The following SEC16B variants were observed in gnomAD, a reference collection of about 807,000 sequenced individuals.
SEC16B encodes protein transport protein Sec16B.
In SEC16B, 115 loss-of-function variants were observed where a neutral mutation model predicts 141.8. The observed-to-expected ratio is 0.81, with a 90% CI of 0.70 to 0.95. The LOEUF (loss-of-function observed/expected upper bound fraction) is 0.95, where lower values mean the gene tolerates loss of function less well. Among genes scored for constraint, SEC16B ranks in the 40% least tolerant of loss-of-function variants. The pLI, the probability that SEC16B is intolerant of heterozygous loss-of-function variation, is 0.00. For synonymous variants in SEC16B, 493 were observed against 492.5 expected (o/e 1.00, Z -0.01); for missense variants, 1,291 against 1,312.3 (o/e 0.98, Z 0.25).
At chr1:177,982,925 T>C (rs1654479213) in intron 1 of SEC16B, among the ~76,000 whole-genome samples, 1 of 152,192 alleles carries the variant, frequency 6.6e-6, no homozygotes, top group African/African-American at 2.4e-5. Flanking sequence ...CTGTGTGGAA[T>C]TGCTCCTTTT....
Position 177,954,334 on chromosome 1 carries a change from C to T in SEC16B, c.1408G>A (p.Ala470Thr). Residue 470 changes from alanine to threonine, a missense_variant, in exon 11 of 26, where the codon GCT becomes ACT. By Grantham distance (58) the Ala-to-Thr change is moderately conservative. Around this residue, in one of 3 missense-constraint regions of SEC16B, gnomAD observed 681 missense variants for 675.5 expected, o/e 1.01. Coordinates refer to ENST00000308284, the MANE Select transcript of SEC16B (RefSeq NM_033127.4). ...WAMKNHLWGH[A>T]LFLSSKMDPQ... ...TCCATCTTGCTGGACAGGAACAAAG[C>T]ATGGCCCCACAAGTGGTTCTTCATG... is the stretch of plus-strand genomic sequence containing the variant. 1 of 1,575,974 alleles carries T rather than the reference C, an allele frequency of 6.3e-7. No homozygotes were observed. Among genetic ancestry groups the T allele is most frequent in the Non-Finnish European group, 8.6e-7 (1 of 1,159,818 alleles).
intron 13 of SEC16B, among the ~76,000 whole-genome samples, chr1:177,947,311 T>G (rs1228580001): frequency 6.6e-6 from 1 of 152,144 alleles, no homozygotes; most frequent in Non-Finnish European, 1.5e-5. Context: ...CAAGAAAGAC[T>G]ACAGGGTTAA....
Position 177,961,606 on chromosome 1 carries a change from C to T in SEC16B, c.771G>A (p.Trp257Ter). ...AGAACCCACCAGCCTGAACTGGACT[C>T]CAAGCTGCTGAAGCTGGGGGATCAT... ...ERDDPPASAA[W>*]SPVQADVSSA... Residue 257 changes from tryptophan to a stop codon, truncating the protein, a stop_gained, in exon 6 of 26, where the codon TGG becomes TGA. Transcript: ENST00000308284. LOFTEE classifies it high-confidence loss of function. 5 of 1,613,196 alleles carry T rather than the reference C, an allele frequency of 3.1e-6. No individual in the cohort carries two copies. The highest frequency in any genetic ancestry group is 4.2e-6 in the Non-Finnish European group (5 of 1,179,672).
chr1:177,937,497 C>A lies in SEC16B; in HGVS notation c.2220G>T (p.Gln740His). The stretch of plus-strand genomic sequence containing the variant: ...AGTAGCCTTGACATCCAGAAAAGTC[C>A]TGGTAGAAAGTGTTTTCTAAGGACG... ...GGTTTENTFYQDFSGCQGYSE... is the reference protein window; with the variant it reads ...GGTTTENTFYHDFSGCQGYSE... Residue 740 changes from glutamine (Q) to histidine (H), a missense_variant, in exon 19 of 26, where the codon CAG becomes CAT. Physicochemically the swap from Gln to His is conservative, Grantham distance 24. Around this residue, in one of 3 missense-constraint regions of SEC16B, gnomAD observed 605 missense variants for 614.1 expected, o/e 0.99. Coordinates refer to ENST00000308284, the MANE Select transcript of SEC16B (RefSeq NM_033127.4). 1 of 1,555,652 alleles carries A rather than the reference C, an allele frequency of 6.4e-7. No individual in the cohort carries two copies. Among genetic ancestry groups the A allele is most frequent in the African/African-American group, 1.4e-5 (1 of 72,948 alleles).
At chr1:177,957,696 T>C (rs192523185) in intron 10 of SEC16B, among the ~76,000 whole-genome samples, 1 of 152,298 alleles carries the variant, frequency 6.6e-6, no homozygotes, top group African/African-American at 2.4e-5. Flanking sequence ...TCTTTAAATG[T>C]ACAATTAAGC....
chr1:177,945,051 C>A lies in SEC16B; in HGVS notation c.1776-385G>T, dbSNP rs188184417. ...CCATGCCCATAAAGCCTGTCATGTA[C>A]CTGTGAAGGGCACCCCTAGTTTGAG... On this transcript the variant is annotated intron_variant, in intron 14 of 25. Transcript: ENST00000308284. Among the ~76,000 whole-genome samples, 12 of 152,288 alleles carry A rather than the reference C, an allele frequency of 7.9e-5. No homozygotes were observed. In the East Asian group the frequency reaches 2.1e-3, roughly 27 times the overall value.
At chr1:177,960,566 C>T (rs1652977216) in intron 7 of SEC16B, 163 bp from the exon 8 acceptor site, 2 of 696,134 alleles carry the variant, frequency 2.9e-6, no homozygotes, top group South Asian at 1.9e-5. Context: ...AAAGATGAGA[C>T]ATTGACATCT....
Position 177,937,068 on chromosome 1 carries a change from C to G in SEC16B, c.2503+146G>C, listed in dbSNP as rs146318029. On this transcript the variant is annotated intron_variant, in intron 19 of 25. Coordinates refer to ENST00000308284, the MANE Select transcript of SEC16B (RefSeq NM_033127.4). ...ATACAGTGGCTGAAAACTAGCAGGC[C>G]CTCCGTAACGGGCACACATCCACGC... is the stretch of plus-strand genomic sequence containing the variant. The G allele has an allele frequency of 1.9e-5, 16 of 856,772 alleles. No individual in the cohort carries two copies. In the East Asian group the frequency reaches 4.0e-4, roughly 22 times the overall value. 53.1% of individuals were successfully genotyped at this position (856,772 alleles called of 1,614,324 possible).
intron 9 of SEC16B, 84 bp downstream of exon 9, chr1:177,958,756 A>C: frequency 6.8e-7 from 1 of 1,477,678 alleles, no homozygotes; most frequent in South Asian, 1.4e-5. Context: ...GCTTTTCATA[A>C]TCATGTCATA....
chr1:177,958,397 T>C lies in SEC16B; in HGVS notation c.1135-35A>G, dbSNP rs529137957. 1.9e-4 allele frequency: 286 copies of C among 1,489,034 alleles called. 7 individuals carry two copies. In the South Asian group the frequency reaches 4.0e-3, roughly 21 times the overall value. The allele number at this position is 1,489,034 out of a possible 1,614,324, so 92.2% of individuals were successfully genotyped here. On this transcript the variant is annotated intron_variant, in intron 9 of 25. Transcript: ENST00000308284. ...AAAGAGGATCATCTGGGGAGAATCC[T>C]ATGAGTCCTCAGGCTGGCAGCCCCA...
intron 1 of SEC16B, among the ~76,000 whole-genome samples, chr1:177,978,700 CAAATAAATAAATAAATAAAT>C (rs3040686): frequency 3.6e-5 from 5 of 137,532 alleles, no homozygotes; most frequent in Non-Finnish European, 7.8e-5. Flanking sequence ...GACCCTGTCT[CAAATAAATAAATAAATAAAT>C]AAATAAATAA....
Position 177,960,796 on chromosome 1 carries a change from T to C in SEC16B, c.931A>G (p.Met311Val), listed in dbSNP as rs765267107. The C allele has an allele frequency of 7.5e-6, 12 of 1,603,924 alleles. No homozygotes were observed. Among genetic ancestry groups the C allele is most frequent in the South Asian group, 1.1e-5 (1 of 90,020 alleles). Residue 311 changes from methionine to valine, a missense_variant, in exon 7 of 26, where the codon ATG becomes GTG. Physicochemically the swap from Met to Val is conservative, Grantham distance 21. This residue lies in a region of SEC16B where 681 missense variants were observed against 675.5 expected (regional missense o/e 1.01). Transcript: ENST00000308284. ...GGACACTGGGTCTTCTTTACCTCCA[T>C]GCTGTGCAGTTCAACAAGGGCTGCT... ...GQAALVELHS[M>V]EVILNDSEEQ...
At chr1:177,964,987 G>T (rs80271131) in intron 4 of SEC16B, 60 bp downstream of exon 4, 31,164 of 1,588,612 alleles carry the variant, frequency 0.02, 595 homozygotes, top group East Asian at 0.093. Flanking sequence ...CAGAAGATTT[G>T]CCCGACATAG....
chr1:177,929,564 C>T lies in SEC16B; in HGVS notation c.*294G>A. On this transcript the variant is annotated 3_prime_UTR_variant, in exon 26 of 26. Coordinates refer to ENST00000308284, the MANE Select transcript of SEC16B (RefSeq NM_033127.4). ...CCCTAATTTCCCCAAGGCTCTCAAG[C>T]CACCACCATAAGTGCCACCACCATG... 2.6e-6 allele frequency: 1 copy of T among 383,008 alleles called. No individual in the cohort carries two copies. The highest frequency in any genetic ancestry group is 4.8e-6 in the Non-Finnish European group (1 of 207,668). 23.7% of individuals were successfully genotyped at this position (383,008 alleles called of 1,614,324 possible). A position where few individuals can be genotyped will look rare whatever the true frequency, so the allele number is the denominator to read the frequency against.
intron 1 of SEC16B, among the ~76,000 whole-genome samples, chr1:177,979,277 T>C (rs543648246): frequency 1.1e-3 from 162 of 152,348 alleles, no homozygotes; most frequent in Non-Finnish European, 2.0e-3. Context: ...AGATAGATAT[T>C]AAATCATAAA....
At chr1:177,958,770 A>C in intron 9 of SEC16B, 70 bp downstream of exon 9, 8 of 1,519,464 alleles carry the variant, frequency 5.3e-6, no homozygotes, top group Non-Finnish European at 7.1e-6. Context: ...TGTCATAAAC[A>C]TAATCTTATC....
intron 4 of SEC16B, 56 bp from the exon 5 acceptor site, chr1:177,964,335 A>G (rs1653332805): frequency 3.0e-6 from 4 of 1,321,308 alleles, no homozygotes; most frequent in Non-Finnish European, 4.3e-6. Context: ...AGCAAGGCTG[A>G]GGCACTCTCC....
At chr1:177,939,616 G>C in intron 18 of SEC16B, 86 bp downstream of exon 18, 1 of 1,173,066 alleles carries the variant, frequency 8.5e-7, no homozygotes, top group Non-Finnish European at 1.2e-6. Flanking sequence ...GAAGCAAAGG[G>C]CGAGTGCTTT....
chr1:177,941,011 T>C (rs1215261201), intron 16 of SEC16B, among the ~76,000 whole-genome samples: 9 of 152,214 alleles, frequency 5.9e-5, no homozygotes, highest in Non-Finnish European at 1.5e-5. Flanking sequence ...TCTGTAACAG[T>C]GTTTCTCAAA....
Sources: allele counts gnomAD v4.1 joint callset (sites outside exome capture counted in the v4.1 genomes callset), GRCh38; gene constraint gnomAD v4.1.1; regional missense constraint gnomAD v4.1.1; transcripts MANE v1.5; gene names NCBI Gene and HGNC (gene_info 2026-07-23, HGNC 2026-07-21).